The following RICTOR variants were observed in gnomAD, a reference collection of about 807,000 sequenced individuals.
The protein encoded by RICTOR is RPTOR independent companion of MTOR complex 2.
RICTOR carries 49 observed loss-of-function variants against 214.9 expected under a neutral mutation model. The ratio of observed to expected loss-of-function variants is 0.23; its 90% CI spans 0.18 to 0.29. The LOEUF is 0.29. Among genes scored for constraint, RICTOR ranks in the 10% least tolerant of loss-of-function variants. The pLI is 1.00. For missense variants in RICTOR, 1,625 were observed against 2,047.0 expected, an observed-to-expected ratio of 0.79 and a Z score of 3.98; for synonymous variants, 717 against 711.3, an observed-to-expected ratio of 1.01 and a Z score of -0.13.
At chr5:39,023,056 G>A (rs562607615) in intron 2 of RICTOR, among the ~76,000 whole-genome samples, 1 of 152,142 alleles carries the variant, frequency 6.6e-6, no homozygotes, top group South Asian at 2.1e-4. Context: ...CAAAACCACT[G>A]ATAGAGATAA....
intron 31 of RICTOR, among the ~76,000 whole-genome samples, chr5:38,947,986 T>G (rs1190599931): frequency 6.6e-6 from 1 of 152,152 alleles, no homozygotes; most frequent in East Asian, 1.9e-4. Flanking sequence ...TGACGAGATA[T>G]CCTTGTAAAA....
At position 39,003,455 on chromosome 5, in the gene RICTOR, T is replaced by C. The variant is rs564262465; in HGVS notation, c.260+103A>G. On this transcript the variant is annotated intron_variant, in intron 4 of 37. Transcript: ENST00000357387. ...TGTTCAAGCAACTATTTCTATAAAA[T>C]CAAATATGAGGTGCTGTATTATTCT... The C allele has an allele frequency of 4.3e-5, 30 of 698,846 alleles. No individual in the cohort carries two copies. In the Admixed American group the frequency reaches 7.4e-4, roughly 17 times the overall value. The allele number at this position is 698,846 out of a possible 1,614,324, so 43.3% of individuals were successfully genotyped here.
rs149867804 is a variant in RICTOR at position 38,991,119 on chromosome 5, A to C, written c.457-44T>G. ...GAAAAAGAAGTTACTTTAGTAATACATTTCTTAAACCTATTTTGTCCAGAC... is the reference window on the plus strand; with the variant it reads ...GAAAAAGAAGTTACTTTAGTAATACCTTTCTTAAACCTATTTTGTCCAGAC... On this transcript the variant is annotated intron_variant, in intron 6 of 37. Transcript: ENST00000357387. 47 of 1,435,798 alleles carry C rather than the reference A, an allele frequency of 3.3e-5. No homozygotes were observed. In the East Asian group the frequency reaches 1.1e-3, roughly 33 times the overall value. The allele number at this position is 1,435,798 out of a possible 1,614,324, so 88.9% of individuals were successfully genotyped here.
chr5:39,049,372 G>A (rs1037491019), intron 2 of RICTOR, among the ~76,000 whole-genome samples: 4 of 152,050 alleles, frequency 2.6e-5, no homozygotes, highest in African/African-American at 9.7e-5. Context: ...TAAAACAGGG[G>A]AGCTGGTAAA....
At chr5:39,072,080 ACTTC>A (rs368507913) in intron 2 of RICTOR, among the ~76,000 whole-genome samples, 2 of 152,172 alleles carry the variant, frequency 1.3e-5, no homozygotes, top group Admixed American at 1.3e-4. Flanking sequence ...TTAATTCCAA[ACTTC>A]CTTATGATTT....
At chr5:38,960,297 A>T in intron 20 of RICTOR, 101 bp downstream of exon 20, 1 of 1,142,284 alleles carries the variant, frequency 8.8e-7, no homozygotes, top group Non-Finnish European at 1.3e-6. Context: ...GCTTATGCAT[A>T]TTCAGAAATA....
intron 7 of RICTOR, 44 bp downstream of exon 7, chr5:38,990,905 C>T (rs752021606): frequency 2.0e-5 from 27 of 1,320,506 alleles, no homozygotes; most frequent in Non-Finnish European, 2.7e-5. Context: ...GTTATATATC[C>T]TTTCTAAAAT....
chr5:38,949,367 G>C, intron 31 of RICTOR: 1 of 1,583,002 alleles, frequency 6.3e-7, no homozygotes, highest in Non-Finnish European at 8.5e-7. Flanking sequence ...TGAAAAGGTT[G>C]TTTGTTATTG....
intron 11 of RICTOR, among the ~76,000 whole-genome samples, chr5:38,969,385 TTG>T (rs1403286110): frequency 1.3e-5 from 2 of 152,094 alleles, no homozygotes; most frequent in Admixed American, 6.5e-5. Flanking sequence ...TACAATGTGT[TTG>T]TGTTTTAAGC....
In RICTOR at chr5:39,028,472, G is replaced by A. The variant is rs150479422; in HGVS notation, c.98-7336C>T. 2.3e-3 allele frequency among the ~76,000 whole-genome samples: 347 copies of A among 152,180 alleles called. 1 individual carries two copies. The highest frequency in any genetic ancestry group is 7.8e-3 in the African/African-American group (325 of 41,530). On this transcript the variant is annotated intron_variant, in intron 2 of 37. Coordinates refer to ENST00000357387, the MANE Select transcript of RICTOR (RefSeq NM_152756.5). ...GCTGGGATTACAGGCGTGAGCCACC[G>A]CGCCCGGCCTGGAATTCTTACACAC... is the stretch of plus-strand genomic sequence containing the variant.
At chr5:38,963,133 A>C in intron 16 of RICTOR, 92 bp from the exon 17 acceptor site, 1 of 834,666 alleles carries the variant, frequency 1.2e-6, no homozygotes, top group South Asian at 2.5e-5. Flanking sequence ...ACGTAAGATC[A>C]AGGCTAGAAA....
intron 2 of RICTOR, among the ~76,000 whole-genome samples, chr5:39,045,309 GC>G (rs1413206949): frequency 2.0e-5 from 3 of 152,086 alleles, no homozygotes; most frequent in East Asian, 1.9e-4. Flanking sequence ...CTGCAGAAAA[GC>G]AGGAAAACTC....
intron 16 of RICTOR, among the ~76,000 whole-genome samples, chr5:38,964,069 C>T (rs1266761757): frequency 6.6e-6 from 1 of 151,738 alleles, no homozygotes; most frequent in Non-Finnish European, 1.5e-5. Context: ...CTAAAAAACT[C>T]CATTTCACTA....
chr5:38,982,144 A>G, intron 7 of RICTOR, 108 bp from the exon 8 acceptor site: 3 of 714,118 alleles, frequency 4.2e-6, no homozygotes, highest in Admixed American at 5.2e-5. Flanking sequence ...ACTTTCTAAT[A>G]CCAACATTTA....
chr5:39,034,462 G>A (rs1270278959), intron 2 of RICTOR, among the ~76,000 whole-genome samples: 4 of 152,394 alleles, frequency 2.6e-5, no homozygotes, highest in Non-Finnish European at 5.9e-5. Context: ...GTGCCGGACA[G>A]CGGATGCAGG....
rs544331485 is a variant in RICTOR at position 38,966,002 on chromosome 5, G to A, written c.1299+639C>T. On this transcript the variant is annotated intron_variant, in intron 15 of 37. Coordinates refer to ENST00000357387, the MANE Select transcript of RICTOR (RefSeq NM_152756.5). ...AATTCCTACCTTGCAAACTATCAGG[G>A]ATCCCTCATTGATTGATTTGCTGAC... 9.9e-5 allele frequency among the ~76,000 whole-genome samples: 15 copies of A among 152,026 alleles called. No individual in the cohort carries two copies. The South Asian group carries it at 2.9e-3, about 29-fold the overall frequency.
chr5:38,986,860 G>A (rs1483047145), intron 7 of RICTOR, among the ~76,000 whole-genome samples: 1 of 152,154 alleles, frequency 6.6e-6, no homozygotes, highest in Non-Finnish European at 1.5e-5. Flanking sequence ...CTGTGGATTT[G>A]TCATAAACAG....
At chr5:39,053,451 T>C (rs1757980228) in intron 2 of RICTOR, among the ~76,000 whole-genome samples, 1 of 152,198 alleles carries the variant, frequency 6.6e-6, no homozygotes, top group South Asian at 2.1e-4. Context: ...CTCATGTATC[T>C]GCCAACCCCA....
intron 3 of RICTOR, among the ~76,000 whole-genome samples, chr5:39,018,381 C>G (rs1468909815): frequency 1.3e-5 from 2 of 152,110 alleles, no homozygotes; most frequent in African/African-American, 2.4e-5. Context: ...CATATGAATA[C>G]TTACAAGCAT....
Sources: allele counts gnomAD v4.1 joint callset (sites outside exome capture counted in the v4.1 genomes callset), GRCh38; gene constraint gnomAD v4.1.1; transcripts MANE v1.5; gene names NCBI Gene and HGNC (gene_info 2026-07-23, HGNC 2026-07-21).